The following HMGA2 variants were observed in gnomAD, a reference collection of about 807,000 sequenced individuals.
HMGA2 encodes the protein high mobility group AT-hook 2, also known as high mobility group protein HMGI-C.
In HMGA2, 8 loss-of-function variants were observed where a neutral mutation model predicts 19.1. The observed-to-expected ratio is 0.42, with a 90% CI of 0.25 to 0.76. HMGA2 has a LOEUF of 0.76. Among genes scored for constraint, HMGA2 ranks in the 30% least tolerant of loss-of-function variants. HMGA2 has a pLI of 0.28. For synonymous variants in HMGA2, 60 were observed against 48.8 expected (o/e 1.23, Z -0.96); for missense variants, 109 against 136.3 (o/e 0.80, Z 1.00).
intron 3 of HMGA2, among the ~76,000 whole-genome samples, chr12:65,923,721 T>A (rs114771169): frequency 0.02 from 3,024 of 152,200 alleles, 116 homozygotes; most frequent in African/African-American, 0.069. Context: ...CGTAAGAAAG[T>A]CATTCTCGCC....
At chr12:65,901,019 T>C (rs919056857) in intron 3 of HMGA2, among the ~76,000 whole-genome samples, 1 of 152,238 alleles carries the variant, frequency 6.6e-6, no homozygotes, top group Non-Finnish European at 1.5e-5. Flanking sequence ...TGTATCTATG[T>C]GGAGAAATAC....
chr12:65,877,672 T>C (rs1268986575), intron 3 of HMGA2, among the ~76,000 whole-genome samples: 1 of 152,142 alleles, frequency 6.6e-6, no homozygotes, highest in African/African-American at 2.4e-5. Flanking sequence ...TTGAGCCCAG[T>C]GCTTTGAAGA....
chr12:65,912,639 G>T (rs1223973884), intron 3 of HMGA2, among the ~76,000 whole-genome samples: 4 of 152,170 alleles, frequency 2.6e-5, no homozygotes, highest in African/African-American at 9.7e-5. Context: ...ACCTGAGGAG[G>T]TATTGTTCAC....
At chr12:65,960,929 G>C (rs1415929169) in intron 4 of HMGA2, among the ~76,000 whole-genome samples, 1 of 152,130 alleles carries the variant, frequency 6.6e-6, no homozygotes, top group Admixed American at 6.5e-5. Flanking sequence ...AAAGTTTCTG[G>C]GAATGTTTTG....
chr12:65,843,221 A>G (rs915478166), intron 3 of HMGA2: 1 of 225,298 alleles, frequency 4.4e-6, no homozygotes, highest in Non-Finnish European at 8.8e-6. Context: ...GATCCCAGCA[A>G]TCCCCAGCTG....
chr12:65,881,501 G>C, intron 3 of HMGA2: 1 of 565,520 alleles, frequency 1.8e-6, no homozygotes, highest in Non-Finnish European at 3.1e-6. Flanking sequence ...CTTAATAGTA[G>C]CAGAACAAAA....
chr12:65,828,770 G>C (rs1225576651), intron 2 of HMGA2: 1 of 152,806 alleles, frequency 6.5e-6, no homozygotes, highest in Non-Finnish European at 1.5e-5. Context: ...CAAGTATTTG[G>C]CTCATTTAAT....
chr12:65,828,083 A>G lies in HMGA2; in HGVS notation c.194A>G (p.Gln65Arg). Residue 65 changes from glutamine to arginine, a missense_variant, in exon 2 of 5, where the codon CAA (glutamine) becomes CGA (arginine). Physicochemically the swap from Gln to Arg is conservative, Grantham distance 43. Transcript: ENST00000403681. ...SKNKSPSKAAQKKAEATGEKR... is the reference protein window; with the variant it reads ...SKNKSPSKAARKKAEATGEKR... ...AACAAGAGTCCCTCTAAAGCAGCTCAAAAGGTGAGATTTCTCAAGTCAAGC... is the reference window on the plus strand; with the variant it reads ...AACAAGAGTCCCTCTAAAGCAGCTCGAAAGGTGAGATTTCTCAAGTCAAGC... 6.3e-7 allele frequency: 1 copy of G among 1,599,620 alleles called. No individual in the cohort carries two copies. The highest frequency in any genetic ancestry group is 8.6e-7 in the Non-Finnish European group (1 of 1,166,794).
chr12:65,825,290 G>A lies in HMGA2; in HGVS notation c.20G>A (p.Gly7Asp). The change falls in exon 1 of 5, where the codon GGC becomes GAC. Residue 7 changes from glycine (G) to aspartate (D), a missense_variant. By Grantham distance (94) the Gly-to-Asp change is moderately conservative. Coordinates refer to ENST00000403681, the MANE Select transcript of HMGA2 (RefSeq NM_003483.6). This position sits in a 1 kb window ranked among gnomAD's most constrained non-coding sequence, Gnocchi z 4.4. Reference protein sequence around the residue: MSARGEGAGQPSTSAQG... With the variant: MSARGEDAGQPSTSAQG... ...GGCAGGATGAGCGCACGCGGTGAGG[G>A]CGCGGGGCAGCCGTCCACTTCAGCC... 1 of 1,532,872 alleles carries A rather than the reference G, an allele frequency of 6.5e-7. No individual in the cohort carries two copies. Among genetic ancestry groups the A allele is most frequent in the Non-Finnish European group, 8.7e-7 (1 of 1,143,972 alleles). The allele number at this position is 1,532,872 out of a possible 1,614,324, so 95.0% of individuals were successfully genotyped here.
intron 3 of HMGA2, among the ~76,000 whole-genome samples, chr12:65,928,347 C>T (rs1224021983): frequency 6.6e-6 from 1 of 152,062 alleles, no homozygotes; most frequent in Non-Finnish European, 1.5e-5. Flanking sequence ...TGGAAATTGC[C>T]AGACTGGAAG....
intron 3 of HMGA2, among the ~76,000 whole-genome samples, chr12:65,870,758 A>T (rs1196585097): frequency 2.1e-4 from 32 of 152,234 alleles, no homozygotes; most frequent in Admixed American, 2.1e-3. Context: ...CTGGAAGATG[A>T]CATCCCTGGG....
chr12:65,908,361 G>A (rs923207697), intron 3 of HMGA2, among the ~76,000 whole-genome samples: 4 of 152,122 alleles, frequency 2.6e-5, no homozygotes, highest in African/African-American at 9.7e-5. Flanking sequence ...TCTCCAGTCT[G>A]TCTGTTCTAC....
chr12:65,903,612 G>A (rs182349944), intron 3 of HMGA2, among the ~76,000 whole-genome samples: 27 of 152,180 alleles, frequency 1.8e-4, no homozygotes, highest in African/African-American at 5.5e-4. Context: ...TAAAAGGTTC[G>A]AGAAATCACA....
chr12:65,847,668 A>T (rs1480930296), intron 3 of HMGA2, among the ~76,000 whole-genome samples: 1 of 152,240 alleles, frequency 6.6e-6, no homozygotes. Context: ...TGTGTAAAAC[A>T]AAGGGTAATC....
intron 2 of HMGA2, among the ~76,000 whole-genome samples, chr12:65,833,757 C>T (rs910969098): frequency 6.6e-6 from 1 of 152,158 alleles, no homozygotes; most frequent in African/African-American, 2.4e-5. Flanking sequence ...GATTGGGTCT[C>T]AGTTCTACTA....
chr12:65,854,624 T>C (rs1213431872), intron 3 of HMGA2, among the ~76,000 whole-genome samples: 2 of 152,230 alleles, frequency 1.3e-5, no homozygotes, highest in Non-Finnish European at 2.9e-5. Context: ...GCAGGTTTGT[T>C]ACATAGGTAA....
intron 4 of HMGA2, among the ~76,000 whole-genome samples, chr12:65,961,131 G>A (rs867633): frequency 0.42 from 64,166 of 152,032 alleles, 14,425 homozygotes; most frequent in East Asian, 0.85. Flanking sequence ...TTTTTTAACC[G>A]TAAGAAGGAA....
chr12:65,931,551 T>TTGTGTGTG (rs60877869), intron 3 of HMGA2, among the ~76,000 whole-genome samples: 4,860 of 144,172 alleles, frequency 0.034, 95 homozygotes, highest in East Asian at 0.065. Flanking sequence ...TTATAGATGT[T>TTGTGTGTG]TGTGTGTGTG....
intron 3 of HMGA2, among the ~76,000 whole-genome samples, chr12:65,930,747 G>A (rs1565735826): frequency 1.3e-5 from 2 of 152,092 alleles, no homozygotes; most frequent in South Asian, 2.1e-4. Flanking sequence ...TTGGTATTAC[G>A]AGCTGACTTT....
Sources: gnomAD v4.1 joint callset for allele counts (sites outside exome capture counted in the v4.1 genomes callset) on GRCh38, gnomAD v4.1.1 for gene constraint, Gnocchi (gnomAD v3.1) non-coding constraint, MANE v1.5 for transcripts, NCBI Gene and HGNC (gene_info 2026-07-23, HGNC 2026-07-21) for gene names.